Variants in DTNB observed in about 807,000 individuals in gnomAD.
The protein encoded by DTNB is DTN-B.
DTNB carries 63 observed loss-of-function variants against 90.7 expected under a neutral mutation model. The ratio of observed to expected loss-of-function variants is 0.69; its 90% CI spans 0.57 to 0.86. The LOEUF (loss-of-function observed/expected upper bound fraction) is 0.86. Ranked by LOEUF, DTNB falls within the 40% of genes least tolerant of loss-of-function variation. The pLI, the probability that DTNB is intolerant of heterozygous loss-of-function variation, is 0.00. For missense variants in DTNB, 744 were observed against 807.1 expected, an observed-to-expected ratio of 0.92 and a Z score of 0.95; for synonymous variants, 277 against 286.7, an observed-to-expected ratio of 0.97 and a Z score of 0.34.
At chr2:25,666,030 T>A (rs563749882) in intron 1 of DTNB, among the ~76,000 whole-genome samples, 114 of 152,326 alleles carry the variant, frequency 7.5e-4, no homozygotes, top group Non-Finnish European at 9.1e-4. Context: ...ATTGATATTA[T>A]TAGGTACTAT....
chr2:25,530,191 T>A (rs1466237662), intron 9 of DTNB, among the ~76,000 whole-genome samples: 1 of 152,074 alleles, frequency 6.6e-6, no homozygotes, highest in East Asian at 1.9e-4. Flanking sequence ...ATCGCAGCAC[T>A]TTGGGAGGCT....
chr2:25,460,101 T>A (rs1010307480), intron 10 of DTNB, among the ~76,000 whole-genome samples: 17 of 152,144 alleles, frequency 1.1e-4, no homozygotes, highest in Non-Finnish European at 2.2e-4. Context: ...TAACAGAATC[T>A]TGAACAAATT....
intron 9 of DTNB, among the ~76,000 whole-genome samples, chr2:25,485,229 G>C (rs1383364120): frequency 6.6e-6 from 1 of 152,004 alleles, no homozygotes; most frequent in Non-Finnish European, 1.5e-5. Flanking sequence ...GGCTGGTCTT[G>C]AACTCCTGAG....
At chr2:25,386,080 G>A (rs2039387062) in intron 18 of DTNB, 7 of 985,448 alleles carry the variant, frequency 7.1e-6, no homozygotes, top group Non-Finnish European at 8.4e-6. Flanking sequence ...TACAGAGCGG[G>A]GCCGTGCTTC....
At chr2:25,631,720 G>A (rs757636057) in intron 3 of DTNB, among the ~76,000 whole-genome samples, 6 of 152,116 alleles carry the variant, frequency 3.9e-5, no homozygotes, top group Non-Finnish European at 8.8e-5. Context: ...AGCTTAGTGG[G>A]AGATATTAAC....
intron 6 of DTNB, among the ~76,000 whole-genome samples, chr2:25,581,225 A>G (rs1244318200): frequency 1.3e-5 from 2 of 152,194 alleles, no homozygotes; most frequent in Non-Finnish European, 2.9e-5. Flanking sequence ...ACACCCAAGT[A>G]TAAGAGCAGG....
chr2:25,442,184 T>A (rs2057559872), intron 12 of DTNB, among the ~76,000 whole-genome samples: 1 of 152,238 alleles, frequency 6.6e-6, no homozygotes, highest in Admixed American at 6.5e-5. Context: ...AAAGTACTGG[T>A]CCTTTGCCAA....
intron 16 of DTNB, among the ~76,000 whole-genome samples, chr2:25,413,496 A>G (rs993961836): frequency 7.1e-6 from 1 of 140,566 alleles, no homozygotes; most frequent in South Asian, 2.2e-4. Context: ...ATTCCCACCT[A>G]TGAGTGAGAA....
At chr2:25,632,548 T>C (rs1382384745) in intron 3 of DTNB, among the ~76,000 whole-genome samples, 1 of 152,162 alleles carries the variant, frequency 6.6e-6, no homozygotes, top group Non-Finnish European at 1.5e-5. Flanking sequence ...ATTAACGGAC[T>C]AATTAATGAG....
At chr2:25,457,228 T>A (rs2060188296) in intron 10 of DTNB, among the ~76,000 whole-genome samples, 1 of 152,144 alleles carries the variant, frequency 6.6e-6, no homozygotes, top group Non-Finnish European at 1.5e-5. Context: ...CAGGATGGTC[T>A]CGAACTCCTG....
intron 16 of DTNB, among the ~76,000 whole-genome samples, chr2:25,390,730 A>G (rs1437254407): frequency 6.6e-6 from 1 of 152,102 alleles, no homozygotes; most frequent in Non-Finnish European, 1.5e-5. Context: ...TACAGGTGTG[A>G]GCCACTGAGC....
intron 16 of DTNB, among the ~76,000 whole-genome samples, chr2:25,389,648 C>T (rs2040516370): frequency 1.3e-5 from 2 of 152,078 alleles, no homozygotes. Context: ...AAATAGAAGC[C>T]AAAGTGTGAG....
rs182301475 is a variant in DTNB at position 25,618,370 on chromosome 2, T to G, written c.362+9801A>C. Among the ~76,000 whole-genome samples the G allele has an allele frequency of 4.1e-3, 619 of 152,332 alleles. 4 individuals are homozygous for G. Among genetic ancestry groups the G allele is most frequent in the African/African-American group, 0.014 (602 of 41,576 alleles). ...TTCTTGATCCTTCCCACGAGACATC[T>G]GAAATTATTCTGTATACACTGGTCA... On this transcript the variant is annotated intron_variant, in intron 4 of 20. Coordinates refer to ENST00000406818, the MANE Select transcript of DTNB (RefSeq NM_021907.5).
At chr2:25,662,155 CAAA>C (rs58702026) in intron 1 of DTNB, among the ~76,000 whole-genome samples, 12 of 131,528 alleles carry the variant, frequency 9.1e-5, no homozygotes, top group East Asian at 4.1e-4. Flanking sequence ...GACTCCGTCT[CAAA>C]AAAAAAAAAA....
chr2:25,596,094 G>A lies in DTNB; in HGVS notation c.595C>T (p.Pro199Ser). 7 of 1,605,200 alleles carry A rather than the reference G, an allele frequency of 4.4e-6. No individual in the cohort carries two copies. Among genetic ancestry groups the A allele is most frequent in the Non-Finnish European group, 5.9e-6 (7 of 1,177,096 alleles). The change falls in exon 6 of 21, where the codon CCA becomes TCA. Residue 199 changes from proline to serine, a missense_variant. Coordinates refer to ENST00000406818, the MANE Select transcript of DTNB (RefSeq NM_021907.5). ...YTEHSVRTCF[P>S]QQRKIMLNMF... ...TATAAAACTGTCCTTACCTGCTGTGGAAAACAGGTGCGGACTGAGTGCTCT... is the reference window on the plus strand; with the variant it reads ...TATAAAACTGTCCTTACCTGCTGTGAAAAACAGGTGCGGACTGAGTGCTCT...
At chr2:25,559,189 C>T (rs947281163) in intron 8 of DTNB, among the ~76,000 whole-genome samples, 2 of 152,160 alleles carry the variant, frequency 1.3e-5, no homozygotes, top group African/African-American at 4.8e-5. Flanking sequence ...CATCCCCTCA[C>T]GCGACCCCAA....
At chr2:25,642,034 A>G (rs906333008) in intron 2 of DTNB, among the ~76,000 whole-genome samples, 3 of 152,092 alleles carry the variant, frequency 2.0e-5, no homozygotes, top group Non-Finnish European at 4.4e-5. Flanking sequence ...GTTAGCCAGG[A>G]TGATCTCGAT....
At chr2:25,554,609 A>G (rs1191952455) in intron 8 of DTNB, among the ~76,000 whole-genome samples, 1 of 152,230 alleles carries the variant, frequency 6.6e-6, no homozygotes, top group Non-Finnish European at 1.5e-5. Context: ...GAAGACTTGT[A>G]CCAGAAAATC....
At chr2:25,523,205 C>G (rs1264395739) in intron 9 of DTNB, among the ~76,000 whole-genome samples, 2 of 112,062 alleles carry the variant, frequency 1.8e-5, no homozygotes, top group Non-Finnish European at 1.9e-5. Flanking sequence ...TCACTCAAAC[C>G]TATTTGCAAA....
Sources: allele counts gnomAD v4.1 joint callset (sites outside exome capture counted in the v4.1 genomes callset), GRCh38; gene constraint gnomAD v4.1.1; transcripts MANE v1.5; gene names NCBI Gene and HGNC (gene_info 2026-07-23, HGNC 2026-07-21).